Variants in SPG21 observed in about 807,000 individuals in gnomAD.
The protein encoded by SPG21 is SPG21 abhydrolase domain containing, maspardin.
In SPG21, 26 loss-of-function variants were observed where a neutral mutation model predicts 38.9. That is an observed-to-expected ratio of 0.67 (90% CI 0.49 to 0.93). The LOEUF is 0.93. Ranked by LOEUF, SPG21 falls within the 40% of genes least tolerant of loss-of-function variation. The probability of loss-of-function intolerance (pLI) is 0.00; values close to 1 mark genes in which losing one functional copy is unlikely to be tolerated. For synonymous variants in SPG21, 136 were observed against 128.9 expected (o/e 1.05, Z -0.37); for missense variants, 333 against 376.5 (o/e 0.88, Z 0.96).
intron 1 of SPG21, among the ~76,000 whole-genome samples, chr15:64,986,235 G>A (rs920110145): frequency 1.1e-4 from 16 of 151,906 alleles, no homozygotes; most frequent in South Asian, 2.1e-4. Context: ...GCGTGGTGGC[G>A]CACGCCCGTA....
intron 3 of SPG21, among the ~76,000 whole-genome samples, chr15:64,980,609 G>A (rs2085864230): frequency 6.6e-6 from 1 of 151,842 alleles, no homozygotes; most frequent in Admixed American, 6.6e-5. Flanking sequence ...GTAGTGGCGG[G>A]CGCCTGTAAT....
In SPG21 at chr15:64,970,232, A is replaced by G; in HGVS notation, c.453-10T>C. On this transcript the variant is annotated splice_polypyrimidine_tract_variant and intron_variant, in intron 5 of 8. Coordinates refer to ENST00000204566, the MANE Select transcript of SPG21 (RefSeq NM_016630.7). Reference sequence around the variant, plus strand: ...AGGCATCAGCCAAAAGCTGTAAAACACAAAGACCTTATAATTTAAACTTCC... The same window carrying G: ...AGGCATCAGCCAAAAGCTGTAAAACGCAAAGACCTTATAATTTAAACTTCC... The G allele has an allele frequency of 6.2e-7, 1 of 1,602,476 alleles. No individual in the cohort carries two copies. Among genetic ancestry groups the G allele is most frequent in the African/African-American group, 1.3e-5 (1 of 74,858 alleles).
intron 2 of SPG21, among the ~76,000 whole-genome samples, chr15:64,982,142 C>CTTTTTT (rs56118434): frequency 0.019 from 2,119 of 113,916 alleles, 2 homozygotes; most frequent in Non-Finnish European, 0.027. Context: ...CTTTTCTTTT[C>CTTTTTT]TTTTTTTTTT....
In SPG21 at chr15:64,989,900, T is replaced by C. The variant is rs886051332; in HGVS notation, c.-260A>G. On this transcript the variant is annotated 5_prime_UTR_variant, in exon 1 of 9. Transcript: ENST00000204566. ...TCCCCCCGCCCGACCGCCGCTCAGC[T>C]GGCGCGAGACTCCCGCTTCCGGGTT... 7.1e-6 allele frequency: 1 copy of C among 141,536 alleles called. No individual in the cohort carries two copies. Among genetic ancestry groups the C allele is most frequent in the African/African-American group, 3.2e-5 (1 of 31,430 alleles). The allele number at this position is 141,536 out of a possible 1,614,324, so 8.8% of individuals were successfully genotyped here.
At chr15:64,971,678 A>G (rs142405292) in intron 5 of SPG21, among the ~76,000 whole-genome samples, 3,596 of 151,994 alleles carry the variant, frequency 0.024, 169 homozygotes, top group East Asian at 0.22. Context: ...TCTACTAAAA[A>G]TACAAAAATT....
chr15:64,965,625 A>G (rs752599185), intron 7 of SPG21, among the ~76,000 whole-genome samples, 165 bp from the exon 8 acceptor site: 1 of 152,208 alleles, frequency 6.6e-6, no homozygotes, highest in Admixed American at 6.5e-5. Context: ...CAGCAGCCTG[A>G]ACTACCTCCA....
intron 2 of SPG21, 86 bp from the exon 3 acceptor site, chr15:64,981,111 TTAC>T: frequency 6.6e-7 from 1 of 1,508,670 alleles, no homozygotes; most frequent in South Asian, 1.2e-5. Context: ...ACTGACAATT[TTAC>T]TACTACTGCC....
At chr15:64,972,275 C>T (rs1257987500) in intron 5 of SPG21, among the ~76,000 whole-genome samples, 2 of 152,028 alleles carry the variant, frequency 1.3e-5, no homozygotes, top group African/African-American at 4.8e-5. Flanking sequence ...AGGGGTGGAC[C>T]CTGTTGACTT....
intron 1 of SPG21, among the ~76,000 whole-genome samples, chr15:64,985,082 T>A (rs1467116503): frequency 6.6e-6 from 1 of 152,122 alleles, no homozygotes; most frequent in Non-Finnish European, 1.5e-5. Flanking sequence ...TACAGGCAAA[T>A]TTGCCACTCA....
intron 6 of SPG21, 100 bp from the exon 7 acceptor site, chr15:64,969,462 C>T: frequency 1.1e-6 from 1 of 878,988 alleles, no homozygotes; most frequent in Non-Finnish European, 1.9e-6. Flanking sequence ...GTGGTATCAT[C>T]TGTGGTGGGG....
intron 2 of SPG21, chr15:64,981,690 A>T (rs1009438311): frequency 6.6e-6 from 1 of 151,878 alleles, no homozygotes; most frequent in South Asian, 2.1e-4. Context: ...AAAAAAAAAA[A>T]GGCAAGCTGA....
chr15:64,967,522 G>A (rs2085565708), intron 7 of SPG21, among the ~76,000 whole-genome samples: 1 of 150,576 alleles, frequency 6.6e-6, no homozygotes, highest in African/African-American at 2.4e-5. Flanking sequence ...TTGGCAGGCT[G>A]GAATGCAGTG....
At chr15:64,987,915 T>A (rs2086027243) in intron 1 of SPG21, among the ~76,000 whole-genome samples, 1 of 152,122 alleles carries the variant, frequency 6.6e-6, no homozygotes, top group African/African-American at 2.4e-5. Flanking sequence ...ATGCCTGTAA[T>A]CCCAGCTACG....
Position 64,963,623 on chromosome 15 carries a change from C to T in SPG21, c.924G>A (p.Gln308=), listed in dbSNP as rs142786475. ...KGSLGISQEE[Q] ...ATCATTGACAGCGAGAGACACACTA[C>T]TGCTCCTCCTGGCTGATGCCAAGGC... is the stretch of plus-strand genomic sequence containing the variant. Residue 308 remains glutamine (Q), a synonymous_variant, in exon 9 of 9, where the codon CAG becomes CAA. Coordinates refer to ENST00000204566, the MANE Select transcript of SPG21 (RefSeq NM_016630.7). 1.9e-6 allele frequency: 3 copies of T among 1,613,324 alleles called. No homozygotes were observed. The highest frequency in any genetic ancestry group is 2.2e-5 in the East Asian group (1 of 44,886).
intron 5 of SPG21, among the ~76,000 whole-genome samples, chr15:64,973,925 T>A (rs1275918538): frequency 1.3e-5 from 2 of 152,130 alleles, no homozygotes; most frequent in Non-Finnish European, 2.9e-5. Context: ...CTGTAGAATG[T>A]GATGAAGAAT....
At position 64,986,380 on chromosome 15, in the gene SPG21, A is replaced by C. The variant is rs533455919; in HGVS notation, c.-24-2787T>G. Among the ~76,000 whole-genome samples the C allele has an allele frequency of 4.7e-5, 7 of 147,862 alleles. No homozygotes were observed. In the South Asian group the frequency reaches 1.5e-3, roughly 32 times the overall value. On this transcript the variant is annotated intron_variant, in intron 1 of 8. Transcript: ENST00000204566. ...GACTCAATCTCAAAAAAACAAACAAAAAAATTAATATGTTAAAAAATTTTG... is the reference window on the plus strand; with the variant it reads ...GACTCAATCTCAAAAAAACAAACAACAAAATTAATATGTTAAAAAATTTTG...
chr15:64,975,539 A>AG (rs1383431889), intron 4 of SPG21, among the ~76,000 whole-genome samples: 3 of 151,432 alleles, frequency 2.0e-5, no homozygotes, highest in African/African-American at 7.3e-5. Context: ...AAAAAAAAAA[A>AG]AAAGAAAAAA....
At chr15:64,968,177 A>C (rs2085581501) in intron 7 of SPG21, among the ~76,000 whole-genome samples, 1 of 151,982 alleles carries the variant, frequency 6.6e-6, no homozygotes, top group Non-Finnish European at 1.5e-5. Context: ...GTGAAACCCC[A>C]TCTCTACAAA....
At chr15:64,976,399 T>G in intron 4 of SPG21, 76 bp downstream of exon 4, 2 of 1,072,682 alleles carry the variant, frequency 1.9e-6, no homozygotes, top group Non-Finnish European at 1.4e-6. Flanking sequence ...CACTCCAGCC[T>G]GGGTGACAGA....
Sources: allele counts gnomAD v4.1 joint callset (sites outside exome capture counted in the v4.1 genomes callset), GRCh38; gene constraint gnomAD v4.1.1; transcripts MANE v1.5; gene names NCBI Gene and HGNC (gene_info 2026-07-23, HGNC 2026-07-21).